The following RCBTB1 variants were observed in gnomAD, a reference collection of about 807,000 sequenced individuals.
RCBTB1 encodes the protein RCC1 and BTB domain-containing protein 1.
RCBTB1 carries 46 observed loss-of-function variants against 62.4 expected under a neutral mutation model. The observed-to-expected ratio is 0.74, with a 90% CI of 0.58 to 0.94. RCBTB1 has a LOEUF of 0.94. Among genes scored for constraint, RCBTB1 ranks in the 40% least tolerant of loss-of-function variants. The pLI is 0.00. For synonymous variants in RCBTB1, 222 were observed against 245.8 expected, an observed-to-expected ratio of 0.90 and a Z score of 0.91; for missense variants, 565 against 654.9, an observed-to-expected ratio of 0.86 and a Z score of 1.50.
intron 10 of RCBTB1, among the ~76,000 whole-genome samples, chr13:49,544,301 C>T (rs903647461): frequency 2.6e-5 from 4 of 152,062 alleles, no homozygotes; most frequent in Non-Finnish European, 4.4e-5. Flanking sequence ...GAAACCCCAT[C>T]TCTATTATAA....
intron 2 of RCBTB1, among the ~76,000 whole-genome samples, chr13:49,578,668 AC>A (rs1173630201): frequency 6.6e-6 from 1 of 152,242 alleles, no homozygotes; most frequent in Non-Finnish European, 1.5e-5. Flanking sequence ...CAAACTAGTG[AC>A]AACTATATAA....
intron 5 of RCBTB1, among the ~76,000 whole-genome samples, chr13:49,559,661 A>AG (rs1263334422): frequency 6.6e-6 from 1 of 151,402 alleles, no homozygotes; most frequent in Admixed American, 6.6e-5. Flanking sequence ...ATCTCAAAAA[A>AG]AAAAAAAAAA....
At chr13:49,581,312 T>C (rs1167909805) in intron 1 of RCBTB1, among the ~76,000 whole-genome samples, 2 of 152,022 alleles carry the variant, frequency 1.3e-5, no homozygotes, top group East Asian at 3.9e-4. Context: ...ATCAAGAAGA[T>C]TCTGCAACTG....
At position 49,552,194 on chromosome 13, in the gene RCBTB1, C is replaced by T. The variant is rs1320262145; in HGVS notation, c.695G>A (p.Ser232Asn). ...LTPVRVAALH[S>N]VCVNQIVCGY... ...CACACGTACCTGGTTCACACACACG[C>T]TGTGCAAAGCTGCCACTCTCACAGG... The change falls in exon 7 of 13, where the codon AGC becomes AAC. Residue 232 changes from serine (S) to asparagine (N), a missense_variant. Physicochemically the swap from Ser to Asn is conservative, Grantham distance 46 (BLOSUM62 1). Transcript: ENST00000378302. 5.1e-6 allele frequency: 8 copies of T among 1,582,642 alleles called. No homozygotes were observed. Among genetic ancestry groups the T allele is most frequent in the Non-Finnish European group, 6.9e-6 (8 of 1,163,066 alleles).
intron 2 of RCBTB1, among the ~76,000 whole-genome samples, chr13:49,577,650 C>T (rs1221709743): frequency 6.6e-6 from 1 of 152,020 alleles, no homozygotes; most frequent in Non-Finnish European, 1.5e-5. Context: ...TCAGCATTGG[C>T]GAGCACCAAG....
Position 49,579,321 on chromosome 13 carries a change from G to A in RCBTB1, c.-42+1184C>T, listed in dbSNP as rs571928569. On this transcript the variant is annotated intron_variant, in intron 2 of 12. Transcript: ENST00000378302. Reference sequence around the variant, plus strand: ...CACGTCTCTCTTCTGCAAACACACAGTACTACAAGAATGAAAGGGAGGCCG... The same window carrying A: ...CACGTCTCTCTTCTGCAAACACACAATACTACAAGAATGAAAGGGAGGCCG... Among the ~76,000 whole-genome samples, 6 of 152,274 alleles carry A rather than the reference G, an allele frequency of 3.9e-5. No homozygotes were observed. In the South Asian group the frequency reaches 8.3e-4, roughly 21 times the overall value.
At chr13:49,562,040 T>C (rs765444780) in intron 4 of RCBTB1, among the ~76,000 whole-genome samples, 3 of 144,250 alleles carry the variant, frequency 2.1e-5, no homozygotes, top group African/African-American at 5.2e-5. Context: ...GAGGCGGAGG[T>C]TGCAGTGGGC....
At chr13:49,560,691 G>A (rs537782784) in intron 4 of RCBTB1, among the ~76,000 whole-genome samples, 1 of 152,004 alleles carries the variant, frequency 6.6e-6, no homozygotes, top group South Asian at 2.1e-4. Context: ...AGGGGACAAT[G>A]AAGATGGCTT....
chr13:49,573,531 C>G (rs1222411533), intron 2 of RCBTB1, among the ~76,000 whole-genome samples: 2 of 149,606 alleles, frequency 1.3e-5, no homozygotes, highest in African/African-American at 4.9e-5. Flanking sequence ...TCACTGCAAT[C>G]TCCGCCTCCT....
At chr13:49,578,259 A>C (rs1963902387) in intron 2 of RCBTB1, among the ~76,000 whole-genome samples, 1 of 152,240 alleles carries the variant, frequency 6.6e-6, no homozygotes, top group African/African-American at 2.4e-5. Flanking sequence ...ATACAATGTA[A>C]ATGCTTGGTA....
chr13:49,571,805 T>C (rs2137348278), intron 2 of RCBTB1, among the ~76,000 whole-genome samples: 2 of 152,280 alleles, frequency 1.3e-5, no homozygotes, highest in Middle Eastern at 3.4e-3. Flanking sequence ...ATTTGACTAT[T>C]GTGGTGAGGT....
rs757281514 is a variant in RCBTB1 at position 49,558,815 on chromosome 13, A to G, written c.444+1103T>C. Among the ~76,000 whole-genome samples, 66 of 152,296 alleles carry G rather than the reference A, an allele frequency of 4.3e-4. 2 individuals are homozygous for G. The highest frequency in any genetic ancestry group is 1.2e-3 in the Admixed American group (19 of 15,300). On this transcript the variant is annotated intron_variant, in intron 5 of 12. Coordinates refer to ENST00000378302, the MANE Select transcript of RCBTB1 (RefSeq NM_018191.4). ...CACATTTGTGATCGTTTGCTTTTGA[A>G]CTGTGTGGCAGTAGGAGGTGCCCCT... is the stretch of plus-strand genomic sequence containing the variant.
At chr13:49,559,528 T>C (rs7339079) in intron 5 of RCBTB1, among the ~76,000 whole-genome samples, 37,023 of 151,412 alleles carry the variant, frequency 0.24, 5,856 homozygotes, top group African/African-American at 0.44. Context: ...TGGTGGTGGG[T>C]GCCTGTAGTC....
chr13:49,535,860 T>G (rs565144272), intron 12 of RCBTB1, among the ~76,000 whole-genome samples: 4 of 152,040 alleles, frequency 2.6e-5, no homozygotes, highest in African/African-American at 9.6e-5. Flanking sequence ...CCGTCTCTAC[T>G]AAAAATACAA....
At chr13:49,560,423 T>C (rs1042436108) in intron 4 of RCBTB1, among the ~76,000 whole-genome samples, 12 of 152,312 alleles carry the variant, frequency 7.9e-5, no homozygotes, top group Admixed American at 7.8e-4. Flanking sequence ...AGGCAGATGA[T>C]AAGAAAGCTC....
intron 11 of RCBTB1, among the ~76,000 whole-genome samples, 176 bp from the exon 12 acceptor site, chr13:49,541,182 C>T (rs1028554816): frequency 1.3e-5 from 2 of 152,064 alleles, no homozygotes; most frequent in Admixed American, 6.5e-5. Flanking sequence ...ACTTCCACAC[C>T]TCTCCTATAT....
At chr13:49,585,220 T>A (rs1964332406) in intron 1 of RCBTB1, among the ~76,000 whole-genome samples, 1 of 152,126 alleles carries the variant, frequency 6.6e-6, no homozygotes, top group Admixed American at 6.5e-5. Context: ...TCCCTCCTCC[T>A]CGCAGGAGAG....
rs1442315247 is a variant in RCBTB1 at position 49,580,555 on chromosome 13, T to G, written c.-92A>C. 6.6e-6 allele frequency: 1 copy of G among 152,148 alleles called. No homozygotes were observed. The allele number at this position is 152,148 out of a possible 1,614,324, so 9.4% of individuals were successfully genotyped here. A position where few individuals can be genotyped will look rare whatever the true frequency, so the allele number is the denominator to read the frequency against. On this transcript the variant is annotated 5_prime_UTR_variant, in exon 2 of 13. Coordinates refer to ENST00000378302, the MANE Select transcript of RCBTB1 (RefSeq NM_018191.4). ...GTGAGCCGTGTTCACACCACTGTAT[T>G]CCAGTCTGGGCAAGAGAGCAAGATC...
At chr13:49,578,847 T>C (rs991529742) in intron 2 of RCBTB1, among the ~76,000 whole-genome samples, 1 of 152,218 alleles carries the variant, frequency 6.6e-6, no homozygotes, top group African/African-American at 2.4e-5. Flanking sequence ...AATGTTCCAT[T>C]TGAGCACAAA....
Sources: gnomAD v4.1 joint callset for allele counts (sites outside exome capture counted in the v4.1 genomes callset) on GRCh38, gnomAD v4.1.1 for gene constraint, MANE v1.5 for transcripts, NCBI Gene and HGNC (gene_info 2026-07-23, HGNC 2026-07-21) for gene names.